The following AKT3 variants were observed in gnomAD, a reference collection of about 807,000 sequenced individuals.
AKT3 encodes the protein AKT serine/threonine kinase 3.
A neutral mutation model predicts 65.3 loss-of-function variants in AKT3; 15 were observed. The ratio of observed to expected loss-of-function variants is 0.23; its 90% CI spans 0.15 to 0.35. The LOEUF is 0.35. AKT3 is among the 10% of genes least tolerant of loss of function. The probability of loss-of-function intolerance (pLI) is 1.00; values close to 1 mark genes in which losing one functional copy is unlikely to be tolerated. For synonymous variants in AKT3, 206 were observed against 183.8 expected, an observed-to-expected ratio of 1.12 and a Z score of -0.98; for missense variants, 243 against 576.5, an observed-to-expected ratio of 0.42 and a Z score of 5.92.
chr1:243,505,445 C>T, intron 13 of AKT3, 111 bp from the exon 14 acceptor site: 1 of 803,118 alleles, frequency 1.2e-6, no homozygotes, highest in Non-Finnish European at 2.0e-6. Context: ...GAGGCAATAG[C>T]TCCCATAAAC....
At chr1:243,634,887 TACA>T (rs1427659668) in intron 6 of AKT3, among the ~76,000 whole-genome samples, 2 of 151,860 alleles carry the variant, frequency 1.3e-5, no homozygotes, top group African/African-American at 4.8e-5. Context: ...CAATGATGAA[TACA>T]ACAACCAGAA....
At chr1:243,803,692 AT>A (rs1447087510) in intron 2 of AKT3, among the ~76,000 whole-genome samples, 2 of 135,328 alleles carry the variant, frequency 1.5e-5, no homozygotes, top group Admixed American at 7.5e-5. Context: ...ACACACACAC[AT>A]AAGACTGAAA....
intron 8 of AKT3, among the ~76,000 whole-genome samples, chr1:243,589,145 A>G (rs1031448946): frequency 6.6e-6 from 1 of 151,920 alleles, no homozygotes; most frequent in Non-Finnish European, 1.5e-5. Context: ...GTCTCTACTA[A>G]AAATACAAAA....
In AKT3 at chr1:243,613,737, G is replaced by T; in HGVS notation, c.630C>A (p.Ser210=). ...LKNTRHPFLT[S]LKYSFQTKDR... ...CTTTTGTCTGGAAGGAATATTTCAA[G>T]GACTTGAAATAAAAAAAAGAAAAAA... is the stretch of plus-strand genomic sequence containing the variant. Residue 210 remains serine, a splice_region_variant and synonymous_variant, in exon 8 of 14, where the codon TCC becomes TCA. Transcript: ENST00000673466. 6.4e-7 allele frequency: 1 copy of T among 1,573,492 alleles called. No homozygotes were observed.
intron 8 of AKT3, chr1:243,612,551 C>A (rs895879260): frequency 1.3e-5 from 2 of 154,348 alleles, no homozygotes; most frequent in African/African-American, 4.8e-5. Context: ...AAACAAGACC[C>A]TATTTAATAA....
chr1:243,758,972 G>C lies in AKT3; in HGVS notation c.47-63256C>G, dbSNP rs766777923. On this transcript the variant is annotated intron_variant, in intron 2 of 13. Coordinates refer to ENST00000673466, the MANE Select transcript of AKT3 (RefSeq NM_005465.7). ...CGCTACAGGAGGTTTCTGAGCAGAA[G>C]AGCCAAATCATTCTGACTTAAGTTA... 8.5e-5 allele frequency among the ~76,000 whole-genome samples: 13 copies of C among 152,164 alleles called. No homozygotes were observed. In the South Asian group the frequency reaches 2.7e-3, roughly 32 times the overall value.
chr1:243,758,540 A>G (rs952945297), intron 2 of AKT3, among the ~76,000 whole-genome samples: 4 of 152,230 alleles, frequency 2.6e-5, no homozygotes, highest in African/African-American at 9.6e-5. Flanking sequence ...CATCTAGAGC[A>G]GCAGTCCCCA....
chr1:243,790,573 T>A (rs1233543741), intron 2 of AKT3, among the ~76,000 whole-genome samples: 7 of 152,218 alleles, frequency 4.6e-5, no homozygotes, highest in Admixed American at 3.9e-4. Context: ...TTTCGCTTTC[T>A]TATCATTCAT....
At chr1:243,756,175 G>A (rs1460255722) in intron 2 of AKT3, among the ~76,000 whole-genome samples, 3 of 152,182 alleles carry the variant, frequency 2.0e-5, no homozygotes, top group Admixed American at 6.5e-5. Flanking sequence ...TGCAGAAATC[G>A]TAAGAATAAG....
intron 12 of AKT3, among the ~76,000 whole-genome samples, chr1:243,529,417 A>T (rs1671373753): frequency 6.6e-6 from 1 of 151,916 alleles, no homozygotes; most frequent in African/African-American, 2.4e-5. Flanking sequence ...CATTTTTTAT[A>T]ATTTTAGGTT....
At chr1:243,679,134 C>T (rs1683738331) in intron 3 of AKT3, among the ~76,000 whole-genome samples, 2 of 152,156 alleles carry the variant, frequency 1.3e-5, no homozygotes, top group African/African-American at 4.8e-5. Flanking sequence ...ATAACATTTT[C>T]TCTTGCTTAC....
downstream of AKT3, among the ~76,000 whole-genome samples, chr1:243,495,388 A>G (rs1003573152): frequency 4.6e-5 from 7 of 152,176 alleles, no homozygotes; most frequent in Non-Finnish European, 1.0e-4. Context: ...GGAGCCCAGA[A>G]GCAGCAAAGC....
In AKT3 at chr1:243,580,408, G is replaced by A. The variant is rs1675249866; in HGVS notation, c.697-7360C>T. Among the ~76,000 whole-genome samples the A allele has an allele frequency of 3.3e-5, 5 of 152,252 alleles. No individual in the cohort carries two copies. The South Asian group carries it at 1.0e-3, about 32-fold the overall frequency. On this transcript the variant is annotated intron_variant, in intron 8 of 13. Coordinates refer to ENST00000673466, the MANE Select transcript of AKT3 (RefSeq NM_005465.7). ...GTCACTGTGACGGAAAAAGCTGAAG[G>A]CATTTTTCCAGACCCGGGAAAAAGA...
At chr1:243,652,484 C>T (rs1255741554) in intron 4 of AKT3, among the ~76,000 whole-genome samples, 1 of 152,068 alleles carries the variant, frequency 6.6e-6, no homozygotes, top group Non-Finnish European at 1.5e-5. Context: ...ATACCAGCCA[C>T]TGCAAAAACA....
chr1:243,636,437 A>T (rs1396562624), intron 6 of AKT3, among the ~76,000 whole-genome samples: 1 of 152,090 alleles, frequency 6.6e-6, no homozygotes, highest in Non-Finnish European at 1.5e-5. Context: ...ACCTGACATT[A>T]TACTACCTCC....
chr1:243,557,173 T>C (rs1356427504), intron 10 of AKT3, among the ~76,000 whole-genome samples: 1 of 152,098 alleles, frequency 6.6e-6, no homozygotes, highest in Non-Finnish European at 1.5e-5. Context: ...TACACATATC[T>C]TCCAAGAAAT....
chr1:243,682,901 T>C (rs1008034558), intron 3 of AKT3, among the ~76,000 whole-genome samples: 1 of 152,210 alleles, frequency 6.6e-6, no homozygotes, highest in Admixed American at 6.6e-5. Flanking sequence ...GATACCTCTT[T>C]TTCCTAAATT....
intron 8 of AKT3, among the ~76,000 whole-genome samples, chr1:243,593,893 C>T (rs770228231): frequency 2.6e-5 from 4 of 152,028 alleles, no homozygotes; most frequent in South Asian, 2.1e-4. Context: ...ACACAATGTT[C>T]GCTACTTTTG....
intron 2 of AKT3, among the ~76,000 whole-genome samples, chr1:243,707,749 C>T (rs912739733): frequency 6.6e-6 from 1 of 152,062 alleles, no homozygotes; most frequent in African/African-American, 2.4e-5. Flanking sequence ...ATCATCTAAT[C>T]CCCAATATTC....
Sources: allele counts gnomAD v4.1 joint callset (sites outside exome capture counted in the v4.1 genomes callset), GRCh38; gene constraint gnomAD v4.1.1; transcripts MANE v1.5; gene names NCBI Gene and HGNC (gene_info 2026-07-23, HGNC 2026-07-21).